The following NRXN1 variants were observed in gnomAD, a reference collection of about 807,000 sequenced individuals.
The protein encoded by NRXN1 is neurexin 1.
In NRXN1, 39 loss-of-function variants were observed where a neutral mutation model predicts 150.9. The ratio of observed to expected loss-of-function variants is 0.26; its 90% CI spans 0.20 to 0.34. The LOEUF (loss-of-function observed/expected upper bound fraction) is 0.34. Among genes scored for constraint, NRXN1 ranks in the 10% least tolerant of loss-of-function variants. The pLI is 1.00. For synonymous variants in NRXN1, 924 were observed against 757.0 expected, an observed-to-expected ratio of 1.22 and a Z score of -3.62; for missense variants, 1,815 against 1,949.9, an observed-to-expected ratio of 0.93 and a Z score of 1.30.
intron 19 of NRXN1, among the ~76,000 whole-genome samples, chr2:50,085,944 G>A (rs1698716903): frequency 6.6e-6 from 1 of 152,092 alleles, no homozygotes; most frequent in Admixed American, 6.6e-5. Flanking sequence ...ATAAAGGAAG[G>A]TGCATAGCTT....
chr2:50,835,677 T>C (rs1672008404), intron 5 of NRXN1, among the ~76,000 whole-genome samples: 1 of 152,194 alleles, frequency 6.6e-6, no homozygotes, highest in African/African-American at 2.4e-5. Flanking sequence ...ATAATAATTC[T>C]TCAAAAATAA....
At chr2:50,072,432 A>AC (rs1408468066) in intron 19 of NRXN1, among the ~76,000 whole-genome samples, 1 of 152,034 alleles carries the variant, frequency 6.6e-6, no homozygotes, top group African/African-American at 2.4e-5. Flanking sequence ...CAAAAGATAC[A>AC]CTGTGTCCAC....
chr2:50,526,120 G>C (rs929625413), intron 12 of NRXN1, among the ~76,000 whole-genome samples: 1 of 152,150 alleles, frequency 6.6e-6, no homozygotes, highest in Non-Finnish European at 1.5e-5. Flanking sequence ...GGTGGGGTAG[G>C]GAAAGAGAAA....
chr2:50,263,130 T>A (rs1354200245), intron 17 of NRXN1, among the ~76,000 whole-genome samples: 1 of 150,768 alleles, frequency 6.6e-6, no homozygotes, highest in South Asian at 2.1e-4. Flanking sequence ...AAGGTGATGA[T>A]CATTTTTACC....
chr2:50,844,045 T>C (rs183481267), intron 5 of NRXN1, among the ~76,000 whole-genome samples: 29 of 152,254 alleles, frequency 1.9e-4, no homozygotes, highest in Non-Finnish European at 4.0e-4. Flanking sequence ...AAGCAATGTG[T>C]CGTGAGAAAC....
At chr2:50,234,682 A>G (rs1475029346) in intron 18 of NRXN1, among the ~76,000 whole-genome samples, 1 of 152,028 alleles carries the variant, frequency 6.6e-6, no homozygotes, top group Non-Finnish European at 1.5e-5. Context: ...AATAAACAGT[A>G]TTTGAGAAGC....
chr2:50,554,785 G>A (rs1573526649), intron 8 of NRXN1, among the ~76,000 whole-genome samples: 1 of 151,940 alleles, frequency 6.6e-6, no homozygotes, highest in South Asian at 2.1e-4. Context: ...TCCAATGCTG[G>A]GCCTGGTGTT....
chr2:50,701,853 T>C (rs1282461084), intron 5 of NRXN1, among the ~76,000 whole-genome samples: 1 of 152,210 alleles, frequency 6.6e-6, no homozygotes, highest in Non-Finnish European at 1.5e-5. Context: ...CCCTTTTATG[T>C]GACTTCCCAG....
In NRXN1 at chr2:50,733,184, C is replaced by T. The variant is rs150598341; in HGVS notation, c.833-109569G>A. Reference sequence around the variant, plus strand: ...GGGAAACATTTGTGTAGACTGAAATCTATTTTTATTGTTGATTGAATCAGC... The same window carrying T: ...GGGAAACATTTGTGTAGACTGAAATTTATTTTTATTGTTGATTGAATCAGC... On this transcript the variant is annotated intron_variant, in intron 5 of 22. Transcript: ENST00000401669. Among the ~76,000 whole-genome samples, 160 of 152,180 alleles carry T rather than the reference C, an allele frequency of 1.1e-3. 1 individual carries two copies. In the East Asian group the frequency reaches 0.014, roughly 13 times the overall value.
chr2:50,018,259 G>A (rs962147896), intron 21 of NRXN1, among the ~76,000 whole-genome samples: 3 of 152,070 alleles, frequency 2.0e-5, no homozygotes, highest in Admixed American at 6.6e-5. Context: ...TCATTTATAG[G>A]GCGGGTTTAT....
intron 5 of NRXN1, among the ~76,000 whole-genome samples, chr2:50,635,731 G>A (rs1042520334): frequency 5.3e-5 from 8 of 152,294 alleles, no homozygotes; most frequent in African/African-American, 1.4e-4. Flanking sequence ...TAAAGACTCT[G>A]TGCTGACCTA....
At chr2:50,495,866 T>G in intron 15 of NRXN1, 39 bp downstream of exon 15, 2 of 1,511,764 alleles carry the variant, frequency 1.3e-6, no homozygotes, top group South Asian at 1.4e-5. Flanking sequence ...GGAGACCGTG[T>G]GGTGCAAGGC....
chr2:50,329,655 ATATATATATATATATATAT>A lies in NRXN1; in HGVS notation c.3365-92704_3365-92686del, dbSNP rs1220611187. The stretch of plus-strand genomic sequence containing the variant: ...TATATATATATATATATATATATAT[ATATATATATATATATATAT>A]TTTTTTTTTTCCCCCCCGAGACGGA... On this transcript the variant is annotated intron_variant, in intron 17 of 22. Transcript: ENST00000401669. Among the ~76,000 whole-genome samples the A allele has an allele frequency of 6.4e-3, 83 of 13,030 alleles. 2 individuals are homozygous for A. The highest frequency in any genetic ancestry group is 0.063 in the East Asian group (10 of 158). 8.5% of individuals were successfully genotyped at this position (13,030 alleles called of 152,430 possible). A position where few individuals can be genotyped will look rare whatever the true frequency, so the allele number is the denominator to read the frequency against.
intron 18 of NRXN1, among the ~76,000 whole-genome samples, chr2:50,124,669 G>T (rs1574043099): frequency 6.6e-6 from 1 of 152,016 alleles, no homozygotes. Context: ...TCATTCATCA[G>T]ACTTACCTCC....
chr2:50,272,966 G>A (rs751964111), intron 17 of NRXN1, among the ~76,000 whole-genome samples: 5 of 151,876 alleles, frequency 3.3e-5, no homozygotes, highest in Non-Finnish European at 5.9e-5. Flanking sequence ...TAAAAACTGG[G>A]CAAGTCTGCA....
intron 5 of NRXN1, among the ~76,000 whole-genome samples, chr2:50,642,793 A>G (rs1439938485): frequency 6.6e-6 from 1 of 151,968 alleles, no homozygotes; most frequent in East Asian, 1.9e-4. Flanking sequence ...ATAGGAGGAA[A>G]TAGGGATGGG....
chr2:50,208,775 G>C (rs1252169897), intron 18 of NRXN1, among the ~76,000 whole-genome samples: 1 of 152,200 alleles, frequency 6.6e-6, no homozygotes, highest in African/African-American at 2.4e-5. Context: ...AGTCCTTTAA[G>C]TTGTAGCCCA....
At chr2:50,405,015 T>A (rs981996296) in intron 17 of NRXN1, among the ~76,000 whole-genome samples, 9 of 152,050 alleles carry the variant, frequency 5.9e-5, no homozygotes, top group African/African-American at 2.2e-4. Flanking sequence ...TTGACAAACG[T>A]TCTGGTCTAG....
chr2:50,511,616 G>A (rs2092455174), intron 12 of NRXN1, among the ~76,000 whole-genome samples: 1 of 152,150 alleles, frequency 6.6e-6, no homozygotes, highest in Non-Finnish European at 1.5e-5. Flanking sequence ...TTAATTCAGT[G>A]TAAATTGAGT....
Sources: gnomAD v4.1 joint callset for allele counts (sites outside exome capture counted in the v4.1 genomes callset) on GRCh38, gnomAD v4.1.1 for gene constraint, MANE v1.5 for transcripts, NCBI Gene and HGNC (gene_info 2026-07-23, HGNC 2026-07-21) for gene names.